Variants in KHDRBS1 observed in about 807,000 individuals in gnomAD.
KHDRBS1 encodes the protein KH domain-containing, RNA-binding, signal transduction-associated protein 1.
Under a neutral mutation model 48.4 loss-of-function variants are expected in KHDRBS1, and 7 were observed. The ratio of observed to expected loss-of-function variants is 0.14; its 90% CI spans 0.08 to 0.27. The LOEUF (loss-of-function observed/expected upper bound fraction) is 0.27, where lower values mean the gene tolerates loss of function less well. KHDRBS1 is among the 10% of genes least tolerant of loss of function. KHDRBS1 has a pLI of 1.00. For synonymous variants in KHDRBS1, 241 were observed against 235.8 expected (o/e 1.02, Z -0.20); for missense variants, 458 against 601.2 (o/e 0.76, Z 2.49).
At chr1:32,014,641 C>G (rs1638699137) in intron 1 of KHDRBS1, among the ~76,000 whole-genome samples, 1 of 152,252 alleles carries the variant, frequency 6.6e-6, no homozygotes, top group South Asian at 2.1e-4. Context: ...AGCTCCCCGC[C>G]CCTTTCCCGA....
intron 10 of KHDRBS1, among the ~76,000 whole-genome samples, chr1:32,049,891 G>A (rs896142958): frequency 6.6e-6 from 1 of 152,082 alleles, no homozygotes; most frequent in Non-Finnish European, 1.5e-5. Context: ...TCGATCTCCT[G>A]ACCTCATGAT....
In KHDRBS1 at chr1:32,032,843, C is replaced by T. The variant is rs1469851288; in HGVS notation, c.625-345C>T. Among the ~76,000 whole-genome samples, 3 of 152,244 alleles carry T rather than the reference C, an allele frequency of 2.0e-5. No homozygotes were observed. The East Asian group carries it at 5.8e-4, about 29-fold the overall frequency. ...TAGCTGGGATTACAGGCGTGCGCCA[C>T]CATGCCCGGCTAATTTTTGTATTTT... On this transcript the variant is annotated intron_variant, in intron 3 of 8. Transcript: ENST00000327300.
intron 10 of KHDRBS1, chr1:32,054,602 A>G (rs1360454855): frequency 1.3e-5 from 2 of 152,218 alleles, no homozygotes; most frequent in African/African-American, 2.4e-5. Flanking sequence ...GCTCACCACT[A>G]GAAGTCCTCA....
At chr1:32,044,136 T>C (rs1053704560), downstream of KHDRBS1, among the ~76,000 whole-genome samples, 2 of 152,196 alleles carry the variant, frequency 1.3e-5, no homozygotes, top group African/African-American at 4.8e-5. Flanking sequence ...AAAATTCTAA[T>C]TTATGGAGAG....
At chr1:32,057,453 A>G (rs1033316444) in intron 10 of KHDRBS1, among the ~76,000 whole-genome samples, 37 of 150,846 alleles carry the variant, frequency 2.5e-4, no homozygotes, top group Non-Finnish European at 3.8e-4. Context: ...TATGGGTGTT[A>G]GCCACCACAC....
In KHDRBS1 at chr1:32,013,922, C is replaced by G. The variant is rs1487802187; in HGVS notation, c.-74C>G. 9 of 1,325,672 alleles carry G rather than the reference C, an allele frequency of 6.8e-6. No individual in the cohort carries two copies. In the Admixed American group the frequency reaches 1.6e-4, roughly 23 times the overall value. 82.1% of individuals were successfully genotyped at this position (1,325,672 alleles called of 1,614,324 possible). A position where few individuals can be genotyped will look rare whatever the true frequency, so the allele number is the denominator to read the frequency against. On this transcript the variant is annotated 5_prime_UTR_variant, in exon 1 of 9. Transcript: ENST00000327300. Reference sequence around the variant, plus strand: ...GTCGCTACCGCTCCCGCTCTGCCACCCCCGCCAACCGCCGCTCGGGCCTCC... The same window carrying G: ...GTCGCTACCGCTCCCGCTCTGCCACGCCCGCCAACCGCCGCTCGGGCCTCC...
chr1:32,013,941 G>C lies in KHDRBS1; in HGVS notation c.-55G>C, dbSNP rs924437024. ...TGCCACCCCCGCCAACCGCCGCTCG[G>C]GCCTCCGTCGCTGCCGCGTCGCTTT... is the stretch of plus-strand genomic sequence containing the variant. On this transcript the variant is annotated 5_prime_UTR_variant, in exon 1 of 9. Transcript: ENST00000327300. 1.5e-5 allele frequency: 21 copies of C among 1,375,486 alleles called. No homozygotes were observed. In the Admixed American group the frequency reaches 4.1e-4, roughly 27 times the overall value. The allele number at this position is 1,375,486 out of a possible 1,614,324, so 85.2% of individuals were successfully genotyped here. A position where few individuals can be genotyped will look rare whatever the true frequency, so the allele number is the denominator to read the frequency against.
chr1:32,039,507 G>A lies in KHDRBS1; in HGVS notation c.1176-8G>A. 1 of 1,367,238 alleles carries A rather than the reference G, an allele frequency of 7.3e-7. No homozygotes were observed. Among genetic ancestry groups the A allele is most frequent in the Non-Finnish European group, 1.0e-6 (1 of 955,016 alleles). The allele number at this position is 1,367,238 out of a possible 1,614,324, so 84.7% of individuals were successfully genotyped here. On this transcript the variant is annotated splice_region_variant and splice_polypyrimidine_tract_variant and intron_variant, in intron 7 of 8. Coordinates refer to ENST00000327300, the MANE Select transcript of KHDRBS1 (RefSeq NM_006559.3). ...GTAGCTTCCTAACACTCTGCCTTTG[G>A]CTTTCAGGGACTCAGAATATTATGA... is the stretch of plus-strand genomic sequence containing the variant.
intron 1 of KHDRBS1, among the ~76,000 whole-genome samples, chr1:32,024,719 TGTAA>T (rs1301292846): frequency 1.3e-5 from 2 of 152,106 alleles, no homozygotes; most frequent in Admixed American, 6.6e-5. Flanking sequence ...TTGCCTCAGA[TGTAA>T]GTAACTCAGT....
In KHDRBS1 at chr1:32,014,144, G is replaced by A. The variant is rs1281104109; in HGVS notation, c.149G>A (p.Gly50Glu). ...LPHRSRGGGG[G>E]SRGGARASPA... ...CACCGGTCCCGGGGAGGCGGAGGGG[G>A]ATCCCGCGGGGGCGCCCGGGCCTCG... The change falls in exon 1 of 9, where the codon GGA (glycine) becomes GAA (glutamate). Residue 50 changes from glycine (G) to glutamate (E), a missense_variant. Gly to Glu is a moderately conservative substitution (Grantham distance 98). Coordinates refer to ENST00000327300, the MANE Select transcript of KHDRBS1 (RefSeq NM_006559.3). The A allele has an allele frequency of 7.6e-7, 1 of 1,314,408 alleles. No individual in the cohort carries two copies. 81.4% of individuals were successfully genotyped at this position (1,314,408 alleles called of 1,614,324 possible).
At chr1:32,046,185 T>G (rs1277367878), downstream of KHDRBS1, among the ~76,000 whole-genome samples, 2 of 151,576 alleles carry the variant, frequency 1.3e-5, no homozygotes, top group African/African-American at 4.9e-5. Context: ...AAAGGGTATT[T>G]CTTTTTTTTT....
intron 1 of KHDRBS1, among the ~76,000 whole-genome samples, chr1:32,015,681 A>G (rs1367356612): frequency 6.6e-6 from 1 of 152,122 alleles, no homozygotes; most frequent in Admixed American, 6.6e-5. Context: ...TTTAAACCCA[A>G]CTGAAATTGG....
Position 32,042,634 on chromosome 1 carries a change from T to G in KHDRBS1, c.*10T>G. 6.5e-7 allele frequency: 1 copy of G among 1,538,272 alleles called. No individual in the cohort carries two copies. The highest frequency in any genetic ancestry group is 9.0e-7 in the Non-Finnish European group (1 of 1,111,588). On this transcript the variant is annotated 3_prime_UTR_variant, in exon 9 of 9. Coordinates refer to ENST00000327300, the MANE Select transcript of KHDRBS1 (RefSeq NM_006559.3). The stretch of plus-strand genomic sequence containing the variant: ...ATATGGACGTTATTAAAAACAAACA[T>G]GAGGGGAAAATATCAGTTATGAGCA...
chr1:32,035,055 A>G (rs1226468442), intron 4 of KHDRBS1, among the ~76,000 whole-genome samples: 1 of 151,996 alleles, frequency 6.6e-6, no homozygotes, highest in Admixed American at 6.6e-5. Flanking sequence ...CAGCTGGTTA[A>G]TAATCTTAAG....
intron 10 of KHDRBS1, among the ~76,000 whole-genome samples, chr1:32,058,925 G>T (rs1033190757): frequency 2.0e-5 from 3 of 152,126 alleles, no homozygotes; most frequent in African/African-American, 7.2e-5. Context: ...GGGAGACCGA[G>T]GTGGGCGGAT....
intron 5 of KHDRBS1, 93 bp downstream of exon 5, chr1:32,037,136 G>C: frequency 7.2e-7 from 1 of 1,381,768 alleles, no homozygotes; most frequent in South Asian, 1.3e-5. Flanking sequence ...CTTAGGAAGG[G>C]TCTCAGGATT....
At position 32,042,885 on chromosome 1, in the gene KHDRBS1, T is replaced by C. The variant is rs1639306132; in HGVS notation, c.*261T>C. 3.9e-6 allele frequency: 1 copy of C among 254,634 alleles called. No individual in the cohort carries two copies. Among genetic ancestry groups the C allele is most frequent in the Non-Finnish European group, 7.5e-6 (1 of 133,814 alleles). 15.8% of individuals were successfully genotyped at this position (254,634 alleles called of 1,614,324 possible). ...TGTGTAGATGCTTTTTTCTTTGTTG[T>C]TTAAATATAAACAGAAGTGTACCTT... On this transcript the variant is annotated 3_prime_UTR_variant, in exon 9 of 9. Transcript: ENST00000327300.
At chr1:32,030,233 T>C in intron 1 of KHDRBS1, 65 bp from the exon 2 acceptor site, 2 of 1,416,566 alleles carry the variant, frequency 1.4e-6, no homozygotes, top group Non-Finnish European at 2.0e-6. Flanking sequence ...ATGTTATTGC[T>C]TTAAGCAGAC....
chr1:32,044,294 G>C (rs1639332232), downstream of KHDRBS1, among the ~76,000 whole-genome samples: 1 of 152,242 alleles, frequency 6.6e-6, no homozygotes, highest in Admixed American at 6.5e-5. Context: ...GAGCTCAGAA[G>C]GGGACAGCAT....
Sources: gnomAD v4.1 joint callset for allele counts (sites outside exome capture counted in the v4.1 genomes callset) on GRCh38, gnomAD v4.1.1 for gene constraint, MANE v1.5 for transcripts, NCBI Gene and HGNC (gene_info 2026-07-23, HGNC 2026-07-21) for gene names.